Variants in PRKN observed in about 807,000 individuals in gnomAD.
PRKN encodes E3 ubiquitin-protein ligase parkin.
PRKN carries 56 observed loss-of-function variants against 59.5 expected under a neutral mutation model. That is an observed-to-expected ratio of 0.94 (90% confidence interval 0.76 to 1.18). The LOEUF (loss-of-function observed/expected upper bound fraction) is 1.18, where lower values mean the gene tolerates loss of function less well. PRKN is among the 50% of genes most tolerant of loss of function. The probability of loss-of-function intolerance (pLI) is 0.00; values close to 1 mark genes in which losing one functional copy is unlikely to be tolerated. For missense variants in PRKN, 657 were observed against 596.4 expected (o/e 1.10, Z -1.06); for synonymous variants, 250 against 222.1 (o/e 1.13, Z -1.12).
chr6:162,580,301 G>A (rs923737963), intron 1 of PRKN, among the ~76,000 whole-genome samples: 3 of 152,016 alleles, frequency 2.0e-5, no homozygotes, highest in Non-Finnish European at 4.4e-5. Flanking sequence ...AGCCAGGTGT[G>A]GTGGTGCATG....
chr6:162,343,251 G>A (rs1444266107), intron 2 of PRKN, among the ~76,000 whole-genome samples: 1 of 152,102 alleles, frequency 6.6e-6, no homozygotes, highest in Non-Finnish European at 1.5e-5. Flanking sequence ...TTAACCTTGG[G>A]ATCAAGGGAT....
At chr6:161,987,532 C>T (rs1781480410) in intron 5 of PRKN, among the ~76,000 whole-genome samples, 1 of 152,206 alleles carries the variant, frequency 6.6e-6, no homozygotes, top group South Asian at 2.1e-4. Context: ...CTCCTGTGTA[C>T]TCTAAATCAT....
At chr6:162,054,756 G>C (rs1276675835) in intron 4 of PRKN, among the ~76,000 whole-genome samples, 1 of 152,206 alleles carries the variant, frequency 6.6e-6, no homozygotes, top group Non-Finnish European at 1.5e-5. Context: ...TTTTAAATTA[G>C]AGAAGATCAT....
In PRKN at chr6:162,536,466, TA is replaced by T. The variant is rs748846905; in HGVS notation, c.8-92994del. ...AGTTATGTATTAAGGTCACCTGCTT[TA>T]AAAAAAATAAAGACAACACATGGAA... On this transcript the variant is annotated intron_variant, in intron 1 of 11. Transcript: ENST00000366898. Among the ~76,000 whole-genome samples, 31 of 152,018 alleles carry T rather than the reference TA, an allele frequency of 2.0e-4. 1 individual carries two copies. The East Asian group carries it at 3.5e-3, about 17-fold the overall frequency.
At chr6:162,501,778 T>C (rs574847088) in intron 1 of PRKN, among the ~76,000 whole-genome samples, 1 of 152,232 alleles carries the variant, frequency 6.6e-6, no homozygotes, top group African/African-American at 2.4e-5. Flanking sequence ...ATTAATAGAA[T>C]TGCTGGGGCA....
chr6:161,966,249 G>C (rs954657932), intron 6 of PRKN, among the ~76,000 whole-genome samples: 1 of 151,582 alleles, frequency 6.6e-6, no homozygotes, highest in Non-Finnish European at 1.5e-5. Flanking sequence ...AGACTCCTTA[G>C]ATAGAAATTT....
At chr6:161,492,725 G>A (rs1286707183) in intron 9 of PRKN, among the ~76,000 whole-genome samples, 1 of 152,202 alleles carries the variant, frequency 6.6e-6, no homozygotes, top group Non-Finnish European at 1.5e-5. Context: ...CATGGAAAGT[G>A]AAACTGTGAC....
Position 162,265,594 on chromosome 6 carries a change from G to A in PRKN, c.172-2829C>T, listed in dbSNP as rs554810623. On this transcript the variant is annotated intron_variant, in intron 2 of 11. Transcript: ENST00000366898. The stretch of plus-strand genomic sequence containing the variant: ...TAATCCCAGCTACTCAAGAGGCTGA[G>A]GCAGGAGAATCACTTAAACCCAGGA... Among the ~76,000 whole-genome samples, 12 of 152,292 alleles carry A rather than the reference G, an allele frequency of 7.9e-5. No individual in the cohort carries two copies. The South Asian group carries it at 2.5e-3, about 32-fold the overall frequency.
chr6:162,195,184 C>T (rs1424919266), intron 4 of PRKN, among the ~76,000 whole-genome samples: 2 of 152,230 alleles, frequency 1.3e-5, no homozygotes, highest in Non-Finnish European at 2.9e-5. Context: ...ACATCCAAAA[C>T]ATGCCCTACA....
At chr6:162,290,591 C>T (rs564390361) in intron 2 of PRKN, among the ~76,000 whole-genome samples, 1 of 152,210 alleles carries the variant, frequency 6.6e-6, no homozygotes, top group East Asian at 1.9e-4. Flanking sequence ...ATGTATATTT[C>T]TCCACTGAGT....
chr6:161,783,558 T>TAC (rs1410524910), intron 7 of PRKN: 1 of 469,922 alleles, frequency 2.1e-6, no homozygotes, highest in African/African-American at 2.1e-5. Context: ...AATAAAAAGA[T>TAC]ACACATTAAA....
chr6:162,412,366 A>G (rs746323853), intron 2 of PRKN, among the ~76,000 whole-genome samples: 1 of 152,060 alleles, frequency 6.6e-6, no homozygotes, highest in Non-Finnish European at 1.5e-5. Context: ...AATGGAACAA[A>G]GATGTCACCC....
chr6:162,396,187 G>A (rs917429720), intron 2 of PRKN, among the ~76,000 whole-genome samples: 2 of 152,176 alleles, frequency 1.3e-5, no homozygotes, highest in Non-Finnish European at 2.9e-5. Context: ...GTTTGTATAT[G>A]TACTAAACCA....
chr6:162,523,600 G>A (rs905002536), intron 1 of PRKN, among the ~76,000 whole-genome samples: 5 of 152,144 alleles, frequency 3.3e-5, no homozygotes, highest in African/African-American at 1.2e-4. Context: ...AGAGGCAGAG[G>A]TTGCAGTGAG....
chr6:161,632,177 T>C (rs1289416321), intron 7 of PRKN, among the ~76,000 whole-genome samples: 1 of 152,230 alleles, frequency 6.6e-6, no homozygotes, highest in Non-Finnish European at 1.5e-5. Context: ...ATTTATTTTT[T>C]TCAAATTTTC....
At chr6:162,420,870 C>T (rs974908662) in intron 2 of PRKN, among the ~76,000 whole-genome samples, 2 of 152,190 alleles carry the variant, frequency 1.3e-5, no homozygotes, top group African/African-American at 2.4e-5. Flanking sequence ...GGTAACAATA[C>T]AGTTTTGGTC....
chr6:162,661,510 T>G (rs1778878798), intron 1 of PRKN, among the ~76,000 whole-genome samples: 1 of 152,090 alleles, frequency 6.6e-6, no homozygotes, highest in South Asian at 2.1e-4. Flanking sequence ...AGGGGTTGGT[T>G]TGGGAGACCT....
intron 6 of PRKN, among the ~76,000 whole-genome samples, chr6:161,845,423 C>A (rs912670927): frequency 1.3e-5 from 2 of 152,168 alleles, no homozygotes; most frequent in Non-Finnish European, 2.9e-5. Flanking sequence ...TGGTCATGAA[C>A]AAGACCCCAA....
In PRKN at chr6:161,480,764, C is replaced by T. The variant is rs917360895; in HGVS notation, c.1083+68090G>A. Among the ~76,000 whole-genome samples the T allele has an allele frequency of 2.6e-5, 4 of 152,206 alleles. No individual in the cohort carries two copies. The highest frequency in any genetic ancestry group is 6.5e-5 in the Admixed American group (1 of 15,270). On this transcript the variant is annotated intron_variant, in intron 9 of 11. Coordinates refer to ENST00000366898, the MANE Select transcript of PRKN (RefSeq NM_004562.3). This position sits in a 1 kb window ranked among gnomAD's most constrained non-coding sequence, Gnocchi z 4.1. ...AGAAAGTATAATTAGTAATTTCAGG[C>T]CTTATCTGAAATACCTGCCTCAGCA...
Sources: allele counts gnomAD v4.1 joint callset (sites outside exome capture counted in the v4.1 genomes callset), GRCh38; gene constraint gnomAD v4.1.1; non-coding constraint Gnocchi (gnomAD v3.1); transcripts MANE v1.5; gene names NCBI Gene and HGNC (gene_info 2026-07-23, HGNC 2026-07-21).